Variants in LIPI observed in about 807,000 individuals in gnomAD.
LIPI encodes the protein lipase member I.
A neutral mutation model predicts 50.6 loss-of-function variants in LIPI; 59 were observed. The observed-to-expected ratio is 1.16, with a 90% CI of 0.94 to 1.45. The LOEUF (loss-of-function observed/expected upper bound fraction) is 1.45. LIPI is among the 40% of genes most tolerant of loss of function. The probability of loss-of-function intolerance (pLI) is 0.00; values close to 1 mark genes in which losing one functional copy is unlikely to be tolerated. For missense variants in LIPI, 586 were observed against 536.3 expected (o/e 1.09, Z -0.92); for synonymous variants, 203 against 178.2 (o/e 1.14, Z -1.11).
At chr21:14,135,119 G>A (rs1230370349) in intron 9 of LIPI, among the ~76,000 whole-genome samples, 1 of 152,092 alleles carries the variant, frequency 6.6e-6, no homozygotes, top group Non-Finnish European at 1.5e-5. Flanking sequence ...ATTAAAAAGT[G>A]GGCGAGGACA....
At chr21:14,146,820 C>A (rs2017925183) in intron 8 of LIPI, among the ~76,000 whole-genome samples, 1 of 124,714 alleles carries the variant, frequency 8.0e-6, no homozygotes, top group Admixed American at 9.7e-5. Flanking sequence ...TCACTGTCAC[C>A]CAGGCTGGAG....
chr21:14,128,175 C>T (rs1360167810), intron 9 of LIPI, among the ~76,000 whole-genome samples: 2 of 152,032 alleles, frequency 1.3e-5, no homozygotes, highest in Non-Finnish European at 2.9e-5. Context: ...ATGCATGTTT[C>T]AACTGTAACA....
chr21:14,144,929 A>G, intron 8 of LIPI, 130 bp from the exon 9 acceptor site: 1 of 579,100 alleles, frequency 1.7e-6, no homozygotes, highest in South Asian at 2.5e-5. Context: ...ACAAAATATT[A>G]TTGCAGTATT....
chr21:14,176,344 CTGTG>C (rs1169233227), intron 4 of LIPI, among the ~76,000 whole-genome samples: 3 of 151,716 alleles, frequency 2.0e-5, no homozygotes, highest in Non-Finnish European at 4.4e-5. Flanking sequence ...TTCTCCATTT[CTGTG>C]TGTTTCTATC....
chr21:14,206,672 C>T lies in LIPI; in HGVS notation c.46+4128G>A, dbSNP rs376653293. ...TCTTTCCTCATTTCTGGAAAAAAAA[C>T]GGATTTGTTAACAACAACAATATTA... On this transcript the variant is annotated intron_variant, in intron 1 of 9. Coordinates refer to ENST00000681601, the MANE Select transcript of LIPI (RefSeq NM_001302998.2). The T allele has an allele frequency of 2.6e-4, 151 of 586,848 alleles. 1 individual carries two copies. The highest frequency in any genetic ancestry group is 2.4e-3 in the South Asian group (121 of 51,346). 36.4% of individuals were successfully genotyped at this position (586,848 alleles called of 1,614,324 possible).
At chr21:14,133,313 G>A (rs2017367508) in intron 9 of LIPI, among the ~76,000 whole-genome samples, 1 of 152,108 alleles carries the variant, frequency 6.6e-6, no homozygotes, top group African/African-American at 2.4e-5. Context: ...TTTATTGCAG[G>A]GATGCAAGGA....
chr21:14,124,300 C>A (rs1468099598), intron 9 of LIPI, among the ~76,000 whole-genome samples: 1 of 152,038 alleles, frequency 6.6e-6, no homozygotes, highest in East Asian at 1.9e-4. Flanking sequence ...TAGCGAGCAC[C>A]AAAGGGGGAG....
intron 2 of LIPI, among the ~76,000 whole-genome samples, chr21:14,187,583 C>T (rs2019499748): frequency 6.6e-6 from 1 of 152,164 alleles, no homozygotes; most frequent in Admixed American, 6.5e-5. Flanking sequence ...ACATTCTCCA[C>T]ACTTTGAGGC....
At chr21:14,207,499 T>C (rs1450246816) in intron 1 of LIPI, among the ~76,000 whole-genome samples, 1 of 152,176 alleles carries the variant, frequency 6.6e-6, no homozygotes. Flanking sequence ...TTAGGAAAGC[T>C]GCTGAAAATG....
intron 9 of LIPI, among the ~76,000 whole-genome samples, chr21:14,115,322 G>T (rs906367327): frequency 3.7e-4 from 56 of 152,252 alleles, no homozygotes; most frequent in African/African-American, 1.3e-3. Context: ...AAATGTAAAA[G>T]ACTGATCAAC....
intron 1 of LIPI, among the ~76,000 whole-genome samples, chr21:14,198,128 T>C (rs1039998694): frequency 3.3e-5 from 5 of 152,056 alleles, no homozygotes; most frequent in African/African-American, 1.2e-4. Flanking sequence ...AAGCACTAGA[T>C]ATGGAAAGGA....
chr21:14,186,985 C>A (rs930332157), intron 2 of LIPI, among the ~76,000 whole-genome samples: 7 of 152,132 alleles, frequency 4.6e-5, no homozygotes, highest in Non-Finnish European at 1.0e-4. Context: ...AAAACACAAA[C>A]CTAGGTCTCA....
chr21:14,176,527 ATTT>A (rs1181143368), intron 4 of LIPI, among the ~76,000 whole-genome samples: 1 of 151,686 alleles, frequency 6.6e-6, no homozygotes, highest in Non-Finnish European at 1.5e-5. Flanking sequence ...TGATTATATT[ATTT>A]ATTATTGTAT....
chr21:14,201,191 A>G (rs428714), intron 1 of LIPI, among the ~76,000 whole-genome samples: 85,154 of 151,952 alleles, frequency 0.56, 24,305 homozygotes, highest in African/African-American at 0.63. Flanking sequence ...CATTCAGAAC[A>G]TAGACACAGG....
In LIPI at chr21:14,113,585, A is replaced by T. The variant is rs117929147; in HGVS notation, c.1296-4505T>A. Among the ~76,000 whole-genome samples, 61 of 152,338 alleles carry T rather than the reference A, an allele frequency of 4.0e-4. No homozygotes were observed. The East Asian group carries it at 0.012, about 29-fold the overall frequency. ...TTAGATCTTACTTCAAGTAGCCAAA[A>T]ATACTTAAAATTGGAATCCTCAGAG... On this transcript the variant is annotated intron_variant, in intron 9 of 9. Coordinates refer to ENST00000681601, the MANE Select transcript of LIPI (RefSeq NM_001302998.2).
rs187889524 is a variant in LIPI, at chr21:14,154,751, G to T, written c.1007-2067C>A. 2.8e-3 allele frequency among the ~76,000 whole-genome samples: 432 copies of T among 152,156 alleles called. 3 individuals are homozygous for T. Among genetic ancestry groups the T allele is most frequent in the African/African-American group, 0.01 (418 of 41,552 alleles). On this transcript the variant is annotated intron_variant, in intron 7 of 9. Transcript: ENST00000681601. ...AGCAAAAAAATAAGTTAGTCGCTGAGAAAATATGATGTCCCAAAAGTTTTA... is the reference window on the plus strand; with the variant it reads ...AGCAAAAAAATAAGTTAGTCGCTGATAAAATATGATGTCCCAAAAGTTTTA...
In LIPI at chr21:14,166,444, G is replaced by A. The variant is rs1304591921; in HGVS notation, c.651C>T (p.Gly217=). The part of the protein sequence containing the change: ...DVIHSDSNGL[G]IQEPLGHIDF... Reference sequence around the variant, plus strand: ...CTATATGTCCCAAGGGCTCTTGAATGCCTAAACCTGAGAAGAAAGGCACCC... The same window carrying A: ...CTATATGTCCCAAGGGCTCTTGAATACCTAAACCTGAGAAGAAAGGCACCC... The change falls in exon 5 of 10, where the codon GGC becomes GGT. Residue 217 remains glycine, a synonymous_variant. Transcript: ENST00000681601. 2.5e-6 allele frequency: 4 copies of A among 1,594,512 alleles called. No individual in the cohort carries two copies. In the African/African-American group the frequency reaches 4.0e-5, roughly 16 times the overall value.
intron 9 of LIPI, among the ~76,000 whole-genome samples, chr21:14,123,982 C>A (rs1363606678): frequency 1.3e-5 from 2 of 152,078 alleles, no homozygotes; most frequent in Non-Finnish European, 2.9e-5. Flanking sequence ...GGAGGTTGGC[C>A]CATGTCCCAG....
At chr21:14,129,809 T>C (rs866603152) in intron 9 of LIPI, among the ~76,000 whole-genome samples, 1 of 136,416 alleles carries the variant, frequency 7.3e-6, no homozygotes, top group African/African-American at 2.7e-5. Flanking sequence ...TTTTTTTTTT[T>C]AAAAAAAAAA....
Sources: allele counts gnomAD v4.1 joint callset (sites outside exome capture counted in the v4.1 genomes callset), GRCh38; gene constraint gnomAD v4.1.1; transcripts MANE v1.5; gene names NCBI Gene and HGNC (gene_info 2026-07-23, HGNC 2026-07-21).